The following PUS7 variants were observed in gnomAD, a reference collection of about 807,000 sequenced individuals.
The protein encoded by PUS7 is pseudouridylate synthase 7 homolog.
PUS7 carries 48 observed loss-of-function variants against 79.8 expected under a neutral mutation model. That is an observed-to-expected ratio of 0.60 (90% CI 0.48 to 0.76). PUS7 has a LOEUF of 0.76. Ranked by LOEUF, PUS7 falls within the 30% of genes least tolerant of loss-of-function variation. The probability of loss-of-function intolerance (pLI) is 0.00; values close to 1 mark genes in which losing one functional copy is unlikely to be tolerated. For synonymous variants in PUS7, 286 were observed against 272.2 expected (o/e 1.05, Z -0.50); for missense variants, 729 against 797.6 (o/e 0.91, Z 1.04).
rs1200638352 is a variant in PUS7, at chr7:105,468,448, G to A, written c.1414C>T (p.Arg472Cys). The A allele has an allele frequency of 1.2e-6, 2 of 1,603,136 alleles. No homozygotes were observed. The highest frequency in any genetic ancestry group is 2.2e-5 in the East Asian group (1 of 44,694). The change falls in exon 12 of 16, where the codon CGC becomes TGC. Residue 472 changes from arginine (R) to cysteine (C), a missense_variant. Arg to Cys is a radical substitution (Grantham distance 180, BLOSUM62 -3). Transcript: ENST00000469408. Reference sequence around the variant, plus strand: ...TGGTAGCTATGAATATACATTAAGCGATTATTTCTGGGTATCTGGAGGGAA... The same window carrying A: ...TGGTAGCTATGAATATACATTAAGCAATTATTTCTGGGTATCTGGAGGGAA... ...SAFGIIPRNN[R>C]LMYIHSYQSY...
Position 105,501,048 on chromosome 7 carries a change from A to C in PUS7, c.730+1372T>G, listed in dbSNP as rs146448708. On this transcript the variant is annotated intron_variant, in intron 5 of 15. Transcript: ENST00000469408. ...GGAACTGCTCAGGTATCTCATCTCT[A>C]TAGCACTATCCAGACTTGCTGCCTT... Among the ~76,000 whole-genome samples, 879 of 152,290 alleles carry C rather than the reference A, an allele frequency of 5.8e-3. 13 individuals are homozygous for C. The highest frequency in any genetic ancestry group is 0.02 in the African/African-American group (841 of 41,556).
intron 13 of PUS7, among the ~76,000 whole-genome samples, chr7:105,464,321 T>C (rs1823551480): frequency 1.3e-5 from 2 of 152,206 alleles, no homozygotes; most frequent in Non-Finnish European, 2.9e-5. Flanking sequence ...AGCTCAGCCT[T>C]CTTCTCAGAG....
intron 11 of PUS7, among the ~76,000 whole-genome samples, chr7:105,469,925 TG>T (rs1212030075): frequency 6.6e-6 from 1 of 152,196 alleles, no homozygotes; most frequent in Non-Finnish European, 1.5e-5. Flanking sequence ...CAAATTTGTG[TG>T]GGGCCACATT....
Position 105,507,879 on chromosome 7 carries a change from C to G in PUS7, c.398+236G>C, listed in dbSNP as rs1825535843. ...TGAGGCATGATCATGCCACTGCATG[C>G]CAGCCTGGGTGACAGAGTGAGACCC... On this transcript the variant is annotated intron_variant, in intron 2 of 15. Transcript: ENST00000469408. Among the ~76,000 whole-genome samples the G allele has an allele frequency of 2.0e-5, 3 of 151,946 alleles. No homozygotes were observed. The South Asian group carries it at 6.2e-4, about 32-fold the overall frequency.
intron 15 of PUS7, among the ~76,000 whole-genome samples, chr7:105,458,858 C>G (rs4308652): frequency 0.99 from 150,529 of 152,228 alleles, 74,435 homozygotes; most frequent in East Asian, 1. Context: ...ACCGCACCTG[C>G]CCAACCAATT....
chr7:105,502,553 G>A lies in PUS7; in HGVS notation c.597C>T (p.Asp199=), dbSNP rs1271264311. 1 of 1,613,696 alleles carries A rather than the reference G, an allele frequency of 6.2e-7. No individual in the cohort carries two copies. Among genetic ancestry groups the A allele is most frequent in the East Asian group, 2.2e-5 (1 of 44,850 alleles). The change falls in exon 5 of 16, where the codon GAC becomes GAT. Residue 199 remains aspartate, a synonymous_variant. Transcript: ENST00000469408. ...GGATGATGGTTCTTTTCTCTTTGGT[G>A]TCCTCGATAACCTATTAAAAAAAAC... ...ETSVAIEVIE[D]TKEKRTIIHQ...
intron 9 of PUS7, among the ~76,000 whole-genome samples, chr7:105,476,891 A>AT (rs1824134458): frequency 6.6e-6 from 1 of 152,126 alleles, no homozygotes; most frequent in Non-Finnish European, 1.5e-5. Context: ...ATCTTTGGAA[A>AT]CACATTTATT....
intron 4 of PUS7, among the ~76,000 whole-genome samples, chr7:105,503,215 C>T (rs1378031835): frequency 6.6e-6 from 1 of 152,126 alleles, no homozygotes; most frequent in Admixed American, 6.6e-5. Flanking sequence ...AAAATCCAGG[C>T]TGTCAAACCC....
At position 105,457,803 on chromosome 7, in the gene PUS7, G is replaced by A. The variant is rs1049939547; in HGVS notation, c.1973C>T (p.Thr658Ile). ...SIKNQTQLNT[T>I]WLR ...ACAAGGTACTGCTCAGCGAAGCCAGGTTGTATTCAGCTGCGTCTGGTTCTT... is the reference window on the plus strand; with the variant it reads ...ACAAGGTACTGCTCAGCGAAGCCAGATTGTATTCAGCTGCGTCTGGTTCTT... The change falls in exon 16 of 16, where the codon ACC becomes ATC. Residue 658 changes from threonine to isoleucine, a missense_variant. Thr to Ile is a moderately conservative substitution (Grantham distance 89). Transcript: ENST00000469408. The A allele has an allele frequency of 1.2e-6, 2 of 1,613,932 alleles. No homozygotes were observed. The highest frequency in any genetic ancestry group is 1.3e-5 in the African/African-American group (1 of 75,044).
At chr7:105,515,791 T>TTTTATTTTATTTATTTATTTATTTA (rs1554353688) in intron 1 of PUS7, among the ~76,000 whole-genome samples, 15 of 121,270 alleles carry the variant, frequency 1.2e-4, no homozygotes, top group African/African-American at 2.9e-4. Context: ...TTTTATTTTA[T>TTTTATTTTATTTATTTATTTATTTA]TTTATTTATT....
At chr7:105,473,421 T>C (rs1823956425) in intron 9 of PUS7, among the ~76,000 whole-genome samples, 2 of 149,514 alleles carry the variant, frequency 1.3e-5, no homozygotes, top group Non-Finnish European at 3.0e-5. Context: ...CCTAATTTTT[T>C]TTTTTTTTTT....
chr7:105,480,009 A>G (rs1824256360), intron 9 of PUS7, among the ~76,000 whole-genome samples: 1 of 151,996 alleles, frequency 6.6e-6, no homozygotes, highest in Non-Finnish European at 1.5e-5. Flanking sequence ...AAATAAAAAT[A>G]AAAAATAAAA....
At chr7:105,508,060 TC>T in intron 2 of PUS7, 54 bp downstream of exon 2, 1 of 1,513,520 alleles carries the variant, frequency 6.6e-7, no homozygotes, top group South Asian at 1.3e-5. Context: ...CTAATTTCTT[TC>T]TAAAGAAGAA....
At chr7:105,487,050 G>A (rs1353744501) in intron 7 of PUS7, among the ~76,000 whole-genome samples, 3 of 151,932 alleles carry the variant, frequency 2.0e-5, no homozygotes, top group East Asian at 3.9e-4. Context: ...AACAGAACGA[G>A]ACCCTGTATC....
chr7:105,475,454 G>A (rs1377025963), intron 9 of PUS7, among the ~76,000 whole-genome samples: 2 of 151,716 alleles, frequency 1.3e-5, no homozygotes, highest in Admixed American at 6.6e-5. Context: ...TGGAGTGCTG[G>A]GATTACAGGC....
At chr7:105,496,228 G>T (rs10266247) in intron 5 of PUS7, among the ~76,000 whole-genome samples, 221 of 35,940 alleles carry the variant, frequency 6.1e-3, no homozygotes, top group East Asian at 0.034. Flanking sequence ...TATATATATA[G>T]AGAGAGAGAG....
intron 13 of PUS7, among the ~76,000 whole-genome samples, chr7:105,463,051 A>G (rs1309266891): frequency 6.6e-6 from 1 of 152,206 alleles, no homozygotes; most frequent in East Asian, 1.9e-4. Flanking sequence ...CAAAGTTGCT[A>G]AACTGCATTT....
Position 105,457,471 on chromosome 7 carries a change from T to C in PUS7, c.*319A>G, listed in dbSNP as rs144271968. ...AAATACTCCTGCTGTCTTTTGAGAATGTAGCAAAACCTAAACCTGCTACTT... is the reference window on the plus strand; with the variant it reads ...AAATACTCCTGCTGTCTTTTGAGAACGTAGCAAAACCTAAACCTGCTACTT... On this transcript the variant is annotated 3_prime_UTR_variant, in exon 16 of 16. Transcript: ENST00000469408. 0.019 allele frequency: 3,486 copies of C among 185,286 alleles called. 50 individuals carry two copies. The highest frequency in any genetic ancestry group is 0.026 in the Non-Finnish European group (2,316 of 89,206). The allele number at this position is 185,286 out of a possible 1,614,324, so 11.5% of individuals were successfully genotyped here.
In PUS7 at chr7:105,462,748, GAACT is replaced by G. The variant is rs1473039782; in HGVS notation, c.1628-2_1629del. 1 of 1,608,634 alleles carries G rather than the reference GAACT, an allele frequency of 6.2e-7. No individual in the cohort carries two copies. Among genetic ancestry groups the G allele is most frequent in the South Asian group, 1.1e-5 (1 of 89,902 alleles). On this transcript the variant is annotated splice_acceptor_variant and coding_sequence_variant, in exon 14 of 16. Coordinates refer to ENST00000469408, the MANE Select transcript of PUS7 (RefSeq NM_019042.5). LOFTEE classifies it high-confidence loss of function. ...GTGAGCATTTCCCTGTAGGCTTCTTGAACTAATATAAAATACAAAAAGTTAGTTG... is the reference window on the plus strand; with the variant it reads ...GTGAGCATTTCCCTGTAGGCTTCTTGAATATAAAATACAAAAAGTTAGTTG...
Sources: allele counts gnomAD v4.1 joint callset (sites outside exome capture counted in the v4.1 genomes callset), GRCh38; gene constraint gnomAD v4.1.1; transcripts MANE v1.5; gene names NCBI Gene and HGNC (gene_info 2026-07-23, HGNC 2026-07-21).